Variants in SHROOM3 observed in about 807,000 individuals in gnomAD.
The protein encoded by SHROOM3 is protein Shroom3.
In SHROOM3, 47 loss-of-function variants were observed where a neutral mutation model predicts 138.6. That is an observed-to-expected ratio of 0.34 (90% CI 0.27 to 0.43). The LOEUF is 0.43. SHROOM3 is among the 20% of genes least tolerant of loss of function. SHROOM3 has a pLI of 1.00. For synonymous variants in SHROOM3, 1,062 were observed against 1,063.3 expected (o/e 1.00, Z 0.02); for missense variants, 2,491 against 2,596.5 (o/e 0.96, Z 0.88).
At chr4:76,587,583 C>A in intron 2 of SHROOM3, among the ~76,000 whole-genome samples, 1 of 152,098 alleles carries the variant, frequency 6.6e-6, no homozygotes. Flanking sequence ...ATGATTACAG[C>A]CAGTTGGAGT....
intron 2 of SHROOM3, among the ~76,000 whole-genome samples, chr4:76,650,633 T>C (rs1577951967): frequency 1.3e-5 from 2 of 151,962 alleles, no homozygotes. Flanking sequence ...CAACCTCTGC[T>C]GCCCGGGTTC....
chr4:76,735,892 T>A (rs1721056470), intron 4 of SHROOM3, among the ~76,000 whole-genome samples: 1 of 114,856 alleles, frequency 8.7e-6, no homozygotes, highest in Non-Finnish European at 1.8e-5. Flanking sequence ...TATATATATA[T>A]ATATATATAT....
At chr4:76,536,855 G>A (rs1732963713) in intron 1 of SHROOM3, among the ~76,000 whole-genome samples, 1 of 152,196 alleles carries the variant, frequency 6.6e-6, no homozygotes, top group Non-Finnish European at 1.5e-5. Context: ...GCTCACACCT[G>A]TAATCCCAGC....
chr4:76,649,842 C>T (rs536035979), intron 2 of SHROOM3, among the ~76,000 whole-genome samples: 1 of 152,282 alleles, frequency 6.6e-6, no homozygotes, highest in African/African-American at 2.4e-5. Context: ...ACTTTCTTAT[C>T]ACCATCTGCA....
intron 1 of SHROOM3, among the ~76,000 whole-genome samples, chr4:76,533,932 A>G (rs1437454276): frequency 1.3e-5 from 2 of 152,316 alleles, no homozygotes; most frequent in East Asian, 1.9e-4. Flanking sequence ...GTTTCCAATA[A>G]CTGCTTTGCA....
chr4:76,534,162 C>A (rs1732891300), intron 1 of SHROOM3, among the ~76,000 whole-genome samples: 1 of 152,134 alleles, frequency 6.6e-6, no homozygotes, highest in Non-Finnish European at 1.5e-5. Flanking sequence ...AAGCACAAAC[C>A]CCCAAGATTT....
At chr4:76,442,280 A>T (rs1222368343) in intron 1 of SHROOM3, among the ~76,000 whole-genome samples, 1 of 152,198 alleles carries the variant, frequency 6.6e-6, no homozygotes, top group Non-Finnish European at 1.5e-5. Context: ...GAGAAAACTG[A>T]GATGCAAAAA....
At chr4:76,642,826 A>T (rs567042958) in intron 2 of SHROOM3, among the ~76,000 whole-genome samples, 3 of 152,172 alleles carry the variant, frequency 2.0e-5, no homozygotes, top group African/African-American at 7.2e-5. Context: ...TAGTGGGAAT[A>T]AATGTTAGGA....
rs146413581 is a variant in SHROOM3, at chr4:76,740,722, A to G, written c.2549A>G (p.Asn850Ser). ...PLGNGEQHFK[N>S]GELKLEEASR... ...GGCAACGGGGAGCAGCACTTCAAAAACGGGGAGCTGAAGTTGGAAGAGGCT... is the reference window on the plus strand; with the variant it reads ...GGCAACGGGGAGCAGCACTTCAAAAGCGGGGAGCTGAAGTTGGAAGAGGCT... Residue 850 changes from asparagine to serine, a missense_variant, in exon 5 of 11, where the codon AAC becomes AGC. Transcript: ENST00000296043. This position sits in a 1 kb window ranked among gnomAD's most constrained non-coding sequence, Gnocchi z 4.0. 312 of 1,613,366 alleles carry G rather than the reference A, an allele frequency of 1.9e-4. No individual in the cohort carries two copies. The highest frequency in any genetic ancestry group is 6.6e-4 in the Middle Eastern group (4 of 6,080).
intron 5 of SHROOM3, among the ~76,000 whole-genome samples, chr4:76,745,739 G>A (rs1721412862): frequency 6.6e-6 from 1 of 152,190 alleles, no homozygotes; most frequent in Non-Finnish European, 1.5e-5. Context: ...CCAGCACCTT[G>A]GGAGGCCGAG....
At chr4:76,613,166 A>G (rs1315984704) in intron 2 of SHROOM3, among the ~76,000 whole-genome samples, 1 of 152,118 alleles carries the variant, frequency 6.6e-6, no homozygotes, top group Non-Finnish European at 1.5e-5. Context: ...TCCTCCTCAA[A>G]TATCCCTAAC....
intron 9 of SHROOM3, among the ~76,000 whole-genome samples, chr4:76,764,354 C>G (rs1336657519): frequency 6.6e-6 from 1 of 152,202 alleles, no homozygotes. Flanking sequence ...GTCCAACAGG[C>G]TTTGGCTTCA....
intron 1 of SHROOM3, among the ~76,000 whole-genome samples, chr4:76,440,941 C>G (rs1473859732): frequency 6.6e-6 from 1 of 151,990 alleles, no homozygotes; most frequent in Non-Finnish European, 1.5e-5. Context: ...TTCTATCAAT[C>G]CAAATCTTAG....
intron 1 of SHROOM3, among the ~76,000 whole-genome samples, chr4:76,489,443 A>G (rs1270712083): frequency 3.3e-5 from 5 of 152,240 alleles, no homozygotes; most frequent in Non-Finnish European, 7.3e-5. Context: ...TCTGCTACTT[A>G]AAAATTACAG....
intron 2 of SHROOM3, among the ~76,000 whole-genome samples, chr4:76,676,617 C>T (rs933248647): frequency 6.6e-6 from 1 of 151,846 alleles, no homozygotes; most frequent in African/African-American, 2.4e-5. Flanking sequence ...CAGAGATTGG[C>T]GTTAAGGAAA....
intron 2 of SHROOM3, among the ~76,000 whole-genome samples, chr4:76,673,127 A>G (rs1718937016): frequency 6.6e-6 from 1 of 152,188 alleles, no homozygotes; most frequent in Admixed American, 6.5e-5. Context: ...CCCACTGGAT[A>G]AGAAAGAAAA....
chr4:76,753,583 T>G (rs1303069142), intron 6 of SHROOM3, among the ~76,000 whole-genome samples: 1 of 152,248 alleles, frequency 6.6e-6, no homozygotes, highest in African/African-American at 2.4e-5. Context: ...TTTTTCTGTT[T>G]TGTTTTGTGG....
Position 76,741,321 on chromosome 4 carries a change from C to T in SHROOM3, c.3148C>T (p.Pro1050Ser), listed in dbSNP as rs771739335. The change falls in exon 5 of 11, where the codon CCG (proline) becomes TCG (serine). Residue 1050 changes from proline (P) to serine (S), a missense_variant. Pro to Ser is a moderately conservative substitution (Grantham distance 74). Around this residue, in one of 4 missense-constraint regions of SHROOM3, gnomAD observed 1,733 missense variants for 1,661.6 expected, o/e 1.04. Transcript: ENST00000296043. This position sits in a 1 kb window ranked among gnomAD's most constrained non-coding sequence, Gnocchi z 6.2. The part of the protein sequence containing the change: ...LGPQRNGMRF[P>S]ESSVADRRRL... The stretch of plus-strand genomic sequence containing the variant: ...CCCGCAGAGAAATGGGATGCGTTTC[C>T]CGGAGAGCAGCGTGGCCGACCGGCG... The T allele has an allele frequency of 1.2e-6, 2 of 1,611,792 alleles. No homozygotes were observed. The highest frequency in any genetic ancestry group is 1.3e-5 in the African/African-American group (1 of 75,026).
intron 1 of SHROOM3, among the ~76,000 whole-genome samples, chr4:76,547,177 G>A (rs916870222): frequency 1.3e-5 from 2 of 152,190 alleles, no homozygotes; most frequent in African/African-American, 4.8e-5. Flanking sequence ...GGTTTCTTGG[G>A]CACTTGAAGG....
Sources: allele counts gnomAD v4.1 joint callset (sites outside exome capture counted in the v4.1 genomes callset), GRCh38; gene constraint gnomAD v4.1.1; regional missense constraint gnomAD v4.1.1; non-coding constraint Gnocchi (gnomAD v3.1); transcripts MANE v1.5; gene names NCBI Gene and HGNC (gene_info 2026-07-23, HGNC 2026-07-21).